The following SYT10 variants were observed in gnomAD, a reference collection of about 807,000 sequenced individuals.
SYT10 encodes synaptotagmin 10, also known as synaptotagmin-10.
SYT10 carries 31 observed loss-of-function variants against 51.1 expected under a neutral mutation model. The ratio of observed to expected loss-of-function variants is 0.61; its 90% CI spans 0.46 to 0.82. SYT10 has a LOEUF of 0.82. Ranked by LOEUF, SYT10 falls within the 40% of genes least tolerant of loss-of-function variation. The pLI, the probability that SYT10 is intolerant of heterozygous loss-of-function variation, is 0.00. For missense variants in SYT10, 603 were observed against 634.0 expected, an observed-to-expected ratio of 0.95 and a Z score of 0.53; for synonymous variants, 233 against 225.9, an observed-to-expected ratio of 1.03 and a Z score of -0.28.
chr12:33,426,657 C>T (rs1866556155), intron 1 of SYT10, among the ~76,000 whole-genome samples, 162 bp from the exon 2 acceptor site: 1 of 152,202 alleles, frequency 6.6e-6, no homozygotes, highest in South Asian at 2.1e-4. Flanking sequence ...ATAATCATTC[C>T]TGGAAATTCT....
chr12:33,399,157 C>G (rs1447726513), intron 3 of SYT10, among the ~76,000 whole-genome samples: 1 of 152,080 alleles, frequency 6.6e-6, no homozygotes, highest in Non-Finnish European at 1.5e-5. Flanking sequence ...TTCAAACAAC[C>G]CCAAATATTA....
At chr12:33,398,879 G>T (rs1866279730) in intron 3 of SYT10, among the ~76,000 whole-genome samples, 1 of 152,168 alleles carries the variant, frequency 6.6e-6, no homozygotes, top group African/African-American at 2.4e-5. Flanking sequence ...CACTTAGAGA[G>T]ATTTAGTAAC....
At chr12:33,427,911 A>C (rs1309911411) in intron 1 of SYT10, among the ~76,000 whole-genome samples, 2 of 152,244 alleles carry the variant, frequency 1.3e-5, no homozygotes, top group African/African-American at 2.4e-5. Context: ...AATTCAAAGA[A>C]AAATGAGTAA....
chr12:33,420,938 T>C lies in SYT10; in HGVS notation c.509+5200A>G, dbSNP rs141360811. Among the ~76,000 whole-genome samples, 502 of 152,322 alleles carry C rather than the reference T, an allele frequency of 3.3e-3. 1 individual carries two copies. Among genetic ancestry groups the C allele is most frequent in the African/African-American group, 0.011 (478 of 41,574 alleles). ...AGGTCTTTCCATTGATCTGGGCAAGTGTTTCTCCTTGATACCCTAGCTAGC... is the reference window on the plus strand; with the variant it reads ...AGGTCTTTCCATTGATCTGGGCAAGCGTTTCTCCTTGATACCCTAGCTAGC... On this transcript the variant is annotated intron_variant, in intron 2 of 6. Transcript: ENST00000228567.
chr12:33,410,544 C>T (rs1866396560), intron 2 of SYT10, among the ~76,000 whole-genome samples: 1 of 152,000 alleles, frequency 6.6e-6, no homozygotes, highest in African/African-American at 2.4e-5. Flanking sequence ...TCGTTCAATA[C>T]ATATATTGCA....
intron 2 of SYT10, chr12:33,423,930 A>G (rs776107315): frequency 6.6e-6 from 3 of 455,852 alleles, no homozygotes; most frequent in South Asian, 4.6e-5. Context: ...TTGGTGAAGG[A>G]TTATCAGGAA....
intron 3 of SYT10, among the ~76,000 whole-genome samples, chr12:33,394,052 T>A (rs1343245081): frequency 6.6e-6 from 1 of 152,154 alleles, no homozygotes; most frequent in African/African-American, 2.4e-5. Flanking sequence ...TATAAGTAGA[T>A]TATACATTAG....
intron 5 of SYT10, among the ~76,000 whole-genome samples, chr12:33,381,001 ATT>A (rs1189111026): frequency 6.6e-6 from 1 of 152,078 alleles, no homozygotes; most frequent in Admixed American, 6.6e-5. Context: ...AGGTACAAAA[ATT>A]TTGTCTTCCT....
intron 2 of SYT10, among the ~76,000 whole-genome samples, chr12:33,409,337 C>T (rs2138417874): frequency 6.6e-6 from 1 of 151,846 alleles, no homozygotes; most frequent in Admixed American, 6.6e-5. Context: ...CTGCCTCAGG[C>T]TCCCAAGTAG....
In SYT10 at chr12:33,376,638, A is replaced by G. The variant is rs1330911410; in HGVS notation, c.*192T>C. On this transcript the variant is annotated 3_prime_UTR_variant, in exon 7 of 7. Transcript: ENST00000228567. ...AATGCCTTATGCAACTAAGGACTAT[A>G]TGTATTCAAGTAAAATGTATTGATG... The G allele has an allele frequency of 2.9e-5, 18 of 616,112 alleles. No homozygotes were observed. The East Asian group carries it at 5.0e-4, about 17-fold the overall frequency. 38.2% of individuals were successfully genotyped at this position (616,112 alleles called of 1,614,324 possible).
At position 33,439,755 on chromosome 12, in the gene SYT10, T is replaced by C; in HGVS notation, c.-233A>G. On this transcript the variant is annotated 5_prime_UTR_variant, in exon 1 of 7. Coordinates refer to ENST00000228567, the MANE Select transcript of SYT10 (RefSeq NM_198992.4). ...AGGAGGCTGCGGCTGCCGCGAGGTT[T>C]GCGCCAACTCTCCCGCCGCGCGAGC... 1 of 533,060 alleles carries C rather than the reference T, an allele frequency of 1.9e-6. No individual in the cohort carries two copies. Among genetic ancestry groups the C allele is most frequent in the East Asian group, 3.3e-5 (1 of 30,416 alleles). 33.0% of individuals were successfully genotyped at this position (533,060 alleles called of 1,614,324 possible).
intron 3 of SYT10, among the ~76,000 whole-genome samples, chr12:33,397,872 G>GT: frequency 1.3e-5 from 2 of 152,276 alleles, no homozygotes; most frequent in Admixed American, 1.3e-4. Context: ...TCAGGCAGAG[G>GT]TATCAGTCAA....
intron 3 of SYT10, among the ~76,000 whole-genome samples, chr12:33,397,201 T>C (rs1331102026): frequency 1.3e-5 from 2 of 151,738 alleles, no homozygotes; most frequent in Admixed American, 1.3e-4. Flanking sequence ...CAGTGAGGGG[T>C]CCAGCAGGAA....
chr12:33,378,814 CTGTGTGTGTGTG>C lies in SYT10; in HGVS notation c.1500+1006_1500+1017del, dbSNP rs56373564. Among the ~76,000 whole-genome samples, 16 of 145,282 alleles carry C rather than the reference CTGTGTGTGTGTG, an allele frequency of 1.1e-4. 1 individual carries two copies. Among genetic ancestry groups the C allele is most frequent in the South Asian group, 2.2e-4 (1 of 4,564 alleles). ...GGGAAAACACCAAGTGACTGGGTAT[CTGTGTGTGTGTG>C]TGTGTGTGTGTGTGTGTGTGTGTTT... On this transcript the variant is annotated intron_variant, in intron 6 of 6. Transcript: ENST00000228567.
intron 1 of SYT10, among the ~76,000 whole-genome samples, chr12:33,436,107 G>A (rs778154188): frequency 5.3e-5 from 8 of 152,196 alleles, no homozygotes; most frequent in Non-Finnish European, 1.2e-4. Context: ...GATTTATGAC[G>A]TCTGCCTTTT....
intron 2 of SYT10, among the ~76,000 whole-genome samples, chr12:33,412,415 T>C (rs772932489): frequency 1.1e-4 from 16 of 152,148 alleles, no homozygotes; most frequent in Admixed American, 2.6e-4. Context: ...TGGCTTTTTT[T>C]TTTTCTCTTT....
chr12:33,418,684 C>T (rs768077033), intron 2 of SYT10, among the ~76,000 whole-genome samples: 3 of 152,194 alleles, frequency 2.0e-5, no homozygotes, highest in Non-Finnish European at 2.9e-5. Context: ...CCCAGCTCAT[C>T]TATCAGGATG....
chr12:33,403,610 G>C (rs923630426), intron 3 of SYT10, among the ~76,000 whole-genome samples: 2 of 152,034 alleles, frequency 1.3e-5, no homozygotes. Context: ...AGTTTGATTT[G>C]CCTCTGTAGG....
At chr12:33,392,556 G>C (rs1422953872) in intron 3 of SYT10, among the ~76,000 whole-genome samples, 2 of 152,198 alleles carry the variant, frequency 1.3e-5, no homozygotes, top group East Asian at 3.9e-4. Context: ...AACCTAGTGA[G>C]ATTACTGGAT....
Sources: allele counts gnomAD v4.1 joint callset (sites outside exome capture counted in the v4.1 genomes callset), GRCh38; gene constraint gnomAD v4.1.1; transcripts MANE v1.5; gene names NCBI Gene and HGNC (gene_info 2026-07-23, HGNC 2026-07-21).